EPHA3: variants seen among roughly 807,000 people sequenced by gnomAD.
The protein encoded by EPHA3 is ephrin type-A receptor 3.
Under a neutral mutation model 107.1 loss-of-function variants are expected in EPHA3, and 42 were observed. That is an observed-to-expected ratio of 0.39 (90% confidence interval 0.31 to 0.51). EPHA3 has a LOEUF of 0.51. EPHA3 is among the 20% of genes least tolerant of loss of function. The pLI, the probability that EPHA3 is intolerant of heterozygous loss-of-function variation, is 0.78. For synonymous variants in EPHA3, 461 were observed against 424.8 expected, an observed-to-expected ratio of 1.09 and a Z score of -1.05; for missense variants, 1,183 against 1,211.2, an observed-to-expected ratio of 0.98 and a Z score of 0.35.
chr3:89,413,027 T>C, intron 9 of EPHA3, 114 bp from the exon 10 acceptor site: 1 of 1,379,044 alleles, frequency 7.3e-7, no homozygotes, highest in Non-Finnish European at 1.0e-6. Context: ...AAACTGAAGG[T>C]TGTGCACCTT....
chr3:89,195,473 T>A (rs1705817567), intron 2 of EPHA3, among the ~76,000 whole-genome samples: 1 of 152,170 alleles, frequency 6.6e-6, no homozygotes, highest in Non-Finnish European at 1.5e-5. Flanking sequence ...GATAAAATGA[T>A]GCAATGCCAG....
chr3:89,215,034 G>T (rs1704191998), intron 3 of EPHA3, among the ~76,000 whole-genome samples: 1 of 151,826 alleles, frequency 6.6e-6, no homozygotes, highest in Non-Finnish European at 1.5e-5. Flanking sequence ...TAATGCCCTT[G>T]CCTTGAAAGA....
intron 4 of EPHA3, 140 bp from the exon 5 acceptor site, chr3:89,341,615 A>G (rs1240874925): frequency 4.3e-6 from 3 of 699,774 alleles, no homozygotes; most frequent in Non-Finnish European, 7.0e-6. Flanking sequence ...AATATCATGG[A>G]TCCTCTAAGG....
rs372834649 is a variant in EPHA3, at chr3:89,149,021, A to C, written c.153+21748A>C. On this transcript the variant is annotated intron_variant, in intron 2 of 16. Transcript: ENST00000336596. ...TAGAATGCCATAATGCAAATTTTGA[A>C]GCCAGCGCATACCAATCAGAGATTA... 1.6e-4 allele frequency among the ~76,000 whole-genome samples: 24 copies of C among 152,106 alleles called. No homozygotes were observed. The East Asian group carries it at 3.9e-3, about 25-fold the overall frequency.
At chr3:89,243,378 A>C (rs572725369) in intron 3 of EPHA3, among the ~76,000 whole-genome samples, 3 of 152,176 alleles carry the variant, frequency 2.0e-5, no homozygotes, top group South Asian at 2.1e-4. Flanking sequence ...CCAACAGTGT[A>C]AAAGTGTTCC....
At chr3:89,437,711 A>T (rs1357743554) in intron 13 of EPHA3, among the ~76,000 whole-genome samples, 5 of 152,204 alleles carry the variant, frequency 3.3e-5, no homozygotes, top group African/African-American at 1.2e-4. Flanking sequence ...GGAATCCAAA[A>T]TTCCAAAATG....
chr3:89,430,116 A>G (rs1379552317), intron 12 of EPHA3, among the ~76,000 whole-genome samples: 2 of 152,162 alleles, frequency 1.3e-5, no homozygotes, highest in South Asian at 2.1e-4. Context: ...TTAAATTTAC[A>G]TCTATTTCAA....
At chr3:89,398,789 C>A (rs1264450204) in intron 6 of EPHA3, among the ~76,000 whole-genome samples, 1 of 152,112 alleles carries the variant, frequency 6.6e-6, no homozygotes, top group South Asian at 2.1e-4. Context: ...GGACAGAAAT[C>A]ATAATATTCA....
intron 13 of EPHA3, among the ~76,000 whole-genome samples, chr3:89,446,408 C>A (rs1709877441): frequency 6.6e-6 from 1 of 152,126 alleles, no homozygotes; most frequent in Non-Finnish European, 1.5e-5. Flanking sequence ...AAAATGATCA[C>A]CTTTCAGTAT....
At chr3:89,470,150 T>G (rs1297219733) in intron 15 of EPHA3, among the ~76,000 whole-genome samples, 1 of 152,000 alleles carries the variant, frequency 6.6e-6, no homozygotes, top group African/African-American at 2.4e-5. Flanking sequence ...AGCACTTCTG[T>G]TTTCAAGCAT....
intron 13 of EPHA3, 33 bp downstream of exon 13, chr3:89,431,392 T>C (rs1243904028): frequency 6.4e-7 from 1 of 1,567,952 alleles, no homozygotes; most frequent in African/African-American, 1.4e-5. Flanking sequence ...TTTTTTATCA[T>C]TGTTTTCCAT....
intron 2 of EPHA3, among the ~76,000 whole-genome samples, chr3:89,168,559 G>A (rs1462818176): frequency 6.6e-6 from 1 of 151,934 alleles, no homozygotes; most frequent in Non-Finnish European, 1.5e-5. Context: ...TAACTTCATG[G>A]TAATTAAGAG....
intron 13 of EPHA3, among the ~76,000 whole-genome samples, chr3:89,435,056 T>C (rs1412592655): frequency 6.6e-6 from 1 of 151,704 alleles, no homozygotes; most frequent in Non-Finnish European, 1.5e-5. Context: ...ATATGAGGTA[T>C]GGTTATGAAG....
rs549868478 is a variant in EPHA3 at position 89,472,513 on chromosome 3, C to T, written c.2740C>T (p.Arg914Cys). The change falls in exon 16 of 17, where the codon CGC becomes TGC. Residue 914 changes from arginine to cysteine, a missense_variant. Physicochemically the swap from Arg to Cys is radical, Grantham distance 180 (BLOSUM62 -3). Transcript: ENST00000336596. ...AAGCAATGTGGATATCACTACCTTC[C>T]GCACAACAGGTGACTGGCTTAATGG... ...DQSNVDITTF[R>C]TTGDWLNGVW... 69 of 1,614,016 alleles carry T rather than the reference C, an allele frequency of 4.3e-5. 1 individual carries two copies. Among genetic ancestry groups the T allele is most frequent in the South Asian group, 3.7e-4 (34 of 91,074 alleles).
chr3:89,230,253 T>C (rs1405134275), intron 3 of EPHA3, among the ~76,000 whole-genome samples: 1 of 152,010 alleles, frequency 6.6e-6, no homozygotes, highest in African/African-American at 2.4e-5. Context: ...TAAGGTAAAA[T>C]TTTTCTGGGT....
At chr3:89,438,943 A>T (rs1015036659) in intron 13 of EPHA3, among the ~76,000 whole-genome samples, 3 of 152,218 alleles carry the variant, frequency 2.0e-5, no homozygotes, top group African/African-American at 7.2e-5. Flanking sequence ...TTAAACATGT[A>T]AAAAACAACT....
chr3:89,468,795 C>A (rs1013781157), intron 15 of EPHA3, among the ~76,000 whole-genome samples: 2 of 152,124 alleles, frequency 1.3e-5, no homozygotes, highest in African/African-American at 4.8e-5. Context: ...AAGACTATTT[C>A]ACTCATGATA....
chr3:89,215,029 C>T (rs951255175), intron 3 of EPHA3, among the ~76,000 whole-genome samples: 5 of 151,788 alleles, frequency 3.3e-5, no homozygotes, highest in African/African-American at 1.2e-4. Context: ...ATAAATAATG[C>T]CCTTGCCTTG....
At chr3:89,314,229 A>C (rs1706839022) in intron 3 of EPHA3, among the ~76,000 whole-genome samples, 2 of 151,486 alleles carry the variant, frequency 1.3e-5, no homozygotes, top group Admixed American at 6.7e-5. Flanking sequence ...AATAATCAGC[A>C]CAAGGTCAAA....
Sources: gnomAD v4.1 joint callset for allele counts (sites outside exome capture counted in the v4.1 genomes callset) on GRCh38, gnomAD v4.1.1 for gene constraint, MANE v1.5 for transcripts, NCBI Gene and HGNC (gene_info 2026-07-23, HGNC 2026-07-21) for gene names.